The following DCDC1 variants were observed in gnomAD, a reference collection of about 807,000 sequenced individuals.
DCDC1 encodes doublecortin domain-containing protein 1.
In DCDC1, 200 loss-of-function variants were observed where a neutral mutation model predicts 178.3. The ratio of observed to expected loss-of-function variants is 1.12; its 90% CI spans 1.00 to 1.26. The LOEUF (loss-of-function observed/expected upper bound fraction) is 1.26, where lower values mean the gene tolerates loss of function less well. Among genes scored for constraint, DCDC1 ranks in the 50% most tolerant of loss-of-function variants. DCDC1 has a pLI of 0.00. For synonymous variants in DCDC1, 690 were observed against 604.8 expected, an observed-to-expected ratio of 1.14 and a Z score of -2.07; for missense variants, 1,983 against 1,749.2, an observed-to-expected ratio of 1.13 and a Z score of -2.38.
intron 22 of DCDC1, among the ~76,000 whole-genome samples, 193 bp downstream of exon 22, chr11:30,931,578 G>A (rs1011275793): frequency 6.6e-6 from 1 of 151,976 alleles, no homozygotes; most frequent in Non-Finnish European, 1.5e-5. Flanking sequence ...TTCTAAATTA[G>A]CAGAGTTCAA....
chr11:31,307,997 G>A, intron 3 of DCDC1, 89 bp from the exon 4 acceptor site: 1 of 1,517,640 alleles, frequency 6.6e-7, no homozygotes, highest in East Asian at 2.3e-5. Flanking sequence ...TGTGTGCTAT[G>A]TGCTACACAA....
In DCDC1 at chr11:30,903,420, G is replaced by A. The variant is rs532691085; in HGVS notation, c.4510+62C>T. The A allele has an allele frequency of 1.8e-5, 25 of 1,377,590 alleles. No individual in the cohort carries two copies. In the East Asian group the frequency reaches 4.7e-4, roughly 26 times the overall value. 85.3% of individuals were successfully genotyped at this position (1,377,590 alleles called of 1,614,324 possible). ...AAAACTGACTAAATGAAATAATCAT[G>A]TTTAACGTTTTCATGATCAAGCATA... On this transcript the variant is annotated intron_variant, in intron 32 of 38. Transcript: ENST00000684477.
At chr11:30,990,828 G>A (rs542167142) in intron 20 of DCDC1, among the ~76,000 whole-genome samples, 2 of 152,274 alleles carry the variant, frequency 1.3e-5, no homozygotes, top group Admixed American at 6.5e-5. Flanking sequence ...TTTCACTGAC[G>A]CTAATCACGC....
At chr11:30,971,568 GAAGA>G (rs150752577) in intron 20 of DCDC1, among the ~76,000 whole-genome samples, 5,941 of 145,758 alleles carry the variant, frequency 0.041, 394 homozygotes, top group African/African-American at 0.14. Context: ...ATGTCATGTA[GAAGA>G]AAGAATTTCT....
intron 20 of DCDC1, among the ~76,000 whole-genome samples, chr11:31,025,790 T>G (rs1953188682): frequency 6.6e-6 from 1 of 151,790 alleles, no homozygotes; most frequent in Admixed American, 6.6e-5. Context: ...CTCCCATATC[T>G]ACACAATAAA....
Position 31,128,249 on chromosome 11 carries a change from A to T in DCDC1, c.1315-610T>A, listed in dbSNP as rs557243959. Among the ~76,000 whole-genome samples, 3 of 152,218 alleles carry T rather than the reference A, an allele frequency of 2.0e-5. No homozygotes were observed. The East Asian group carries it at 5.8e-4, about 29-fold the overall frequency. The stretch of plus-strand genomic sequence containing the variant: ...CTGTTCTGGAAAATATTTTAAATAT[A>T]TATTAATGTCAAAATAAAACGTATA... On this transcript the variant is annotated intron_variant, in intron 10 of 38. Transcript: ENST00000684477.
rs749936767 is a variant in DCDC1 at position 30,952,573 on chromosome 11, A to G, written c.2592-5T>C. ...CCTTCATGTTTTATGGCCCACCTAAAACAAAAGATAAAAAACAAAAAGAAA... is the reference window on the plus strand; with the variant it reads ...CCTTCATGTTTTATGGCCCACCTAAGACAAAAGATAAAAAACAAAAAGAAA... On this transcript the variant is annotated splice_region_variant and splice_polypyrimidine_tract_variant and intron_variant, in intron 20 of 38. Transcript: ENST00000684477. 2.5e-5 allele frequency: 31 copies of G among 1,227,364 alleles called. No homozygotes were observed. The highest frequency in any genetic ancestry group is 3.6e-5 in the Non-Finnish European group (31 of 871,886). The allele number at this position is 1,227,364 out of a possible 1,614,324, so 76.0% of individuals were successfully genotyped here. A position where few individuals can be genotyped will look rare whatever the true frequency, so the allele number is the denominator to read the frequency against.
At chr11:31,185,026 T>C (rs1969299802) in intron 9 of DCDC1, among the ~76,000 whole-genome samples, 1 of 152,190 alleles carries the variant, frequency 6.6e-6, no homozygotes, top group Admixed American at 6.5e-5. Flanking sequence ...CCATCAATGA[T>C]AGACTGGATA....
intron 6 of DCDC1, among the ~76,000 whole-genome samples, chr11:31,294,788 AAAATAAAGAAAAAG>A (rs1947512670): frequency 6.9e-6 from 1 of 145,712 alleles, no homozygotes; most frequent in African/African-American, 2.6e-5. Flanking sequence ...GAAAGAAAGA[AAAATAAAGAAAAAG>A]AAAGAAAGAA....
At chr11:31,231,742 C>A (rs1200240172) in intron 9 of DCDC1, among the ~76,000 whole-genome samples, 2 of 152,142 alleles carry the variant, frequency 1.3e-5, no homozygotes, top group East Asian at 3.9e-4. Flanking sequence ...ATCTGAGCAT[C>A]TTTATTCAAA....
chr11:31,093,273 C>T, intron 16 of DCDC1, among the ~76,000 whole-genome samples: 1 of 152,222 alleles, frequency 6.6e-6, no homozygotes. Flanking sequence ...AGAACAATAG[C>T]TAAGGGCAAT....
At chr11:30,917,790 G>A (rs538002690) in intron 25 of DCDC1, among the ~76,000 whole-genome samples, 1 of 152,212 alleles carries the variant, frequency 6.6e-6, no homozygotes, top group East Asian at 1.9e-4. Context: ...AGCACTCTAA[G>A]TATGCGTACC....
chr11:30,936,361 T>G (rs149912071), intron 21 of DCDC1, among the ~76,000 whole-genome samples: 24 of 152,306 alleles, frequency 1.6e-4, no homozygotes, highest in African/African-American at 2.4e-4. Flanking sequence ...GCATTTTAGT[T>G]TCTATGATTA....
At position 31,213,656 on chromosome 11, in the gene DCDC1, G is replaced by C. The variant is rs12285816; in HGVS notation, c.1221+27794C>G. On this transcript the variant is annotated intron_variant, in intron 9 of 38. Coordinates refer to ENST00000684477, the MANE Select transcript of DCDC1 (RefSeq NM_001387274.1). ...AATCACTTAAACCCGGGAGATGGAGGTTGCAGTTAGCCGAGATCACGCCAC... is the reference window on the plus strand; with the variant it reads ...AATCACTTAAACCCGGGAGATGGAGCTTGCAGTTAGCCGAGATCACGCCAC... Among the ~76,000 whole-genome samples, 825 of 150,848 alleles carry C rather than the reference G, an allele frequency of 5.5e-3. 10 individuals are homozygous for C. Among genetic ancestry groups the C allele is most frequent in the African/African-American group, 0.019 (784 of 40,954 alleles).
At chr11:31,106,603 G>A (rs1474413533) in intron 13 of DCDC1, among the ~76,000 whole-genome samples, 194 bp downstream of exon 13, 2 of 152,302 alleles carry the variant, frequency 1.3e-5, no homozygotes, top group East Asian at 3.9e-4. Flanking sequence ...GAAAGTCACA[G>A]ACAGAGATAG....
chr11:31,112,713 T>G (rs1251911063), intron 11 of DCDC1, among the ~76,000 whole-genome samples: 1 of 152,186 alleles, frequency 6.6e-6, no homozygotes, highest in Non-Finnish European at 1.5e-5. Context: ...CAACACAAAG[T>G]ACAGAGTTTC....
chr11:31,316,328 C>T (rs1468471835), intron 3 of DCDC1, among the ~76,000 whole-genome samples: 1 of 129,936 alleles, frequency 7.7e-6, no homozygotes, highest in Admixed American at 8.3e-5. Flanking sequence ...TGTTTCCTGA[C>T]TTTGTAATGA....
chr11:31,192,962 G>C (rs1970291526), intron 9 of DCDC1, among the ~76,000 whole-genome samples: 1 of 152,050 alleles, frequency 6.6e-6, no homozygotes, highest in Admixed American at 6.6e-5. Context: ...CTCTCTTCTG[G>C]AGCTGGGACA....
chr11:30,975,605 T>A (rs531464650), intron 20 of DCDC1, among the ~76,000 whole-genome samples: 1 of 152,094 alleles, frequency 6.6e-6, no homozygotes, highest in Non-Finnish European at 1.5e-5. Context: ...CGAGGCTCAT[T>A]TATAATAGCT....
Sources: allele counts gnomAD v4.1 joint callset (sites outside exome capture counted in the v4.1 genomes callset), GRCh38; gene constraint gnomAD v4.1.1; transcripts MANE v1.5; gene names NCBI Gene and HGNC (gene_info 2026-07-23, HGNC 2026-07-21).